The following LLGL2 variants were observed in gnomAD, a reference collection of about 807,000 sequenced individuals.
LLGL2 encodes LLGL2, scribble cell polarity complex component.
A neutral mutation model predicts 123.2 loss-of-function variants in LLGL2; 81 were observed. That is an observed-to-expected ratio of 0.66 (90% CI 0.55 to 0.79). The LOEUF (loss-of-function observed/expected upper bound fraction) is 0.79, where lower values mean the gene tolerates loss of function less well. Among genes scored for constraint, LLGL2 ranks in the 30% least tolerant of loss-of-function variants. The pLI, the probability that LLGL2 is intolerant of heterozygous loss-of-function variation, is 0.00. For missense variants in LLGL2, 1,273 were observed against 1,414.6 expected (o/e 0.90, Z 1.61); for synonymous variants, 577 against 594.1 (o/e 0.97, Z 0.42).
Position 75,568,444 on chromosome 17 carries a change from C to T in LLGL2, c.1037-32C>T, listed in dbSNP as rs2055538470. 3.1e-6 allele frequency: 5 copies of T among 1,601,980 alleles called. No homozygotes were observed. The East Asian group carries it at 9.0e-5, about 29-fold the overall frequency. On this transcript the variant is annotated intron_variant, in intron 10 of 25. Coordinates refer to ENST00000392550, the MANE Select transcript of LLGL2 (RefSeq NM_001031803.2). Reference sequence around the variant, plus strand: ...ACAGAGCTGGGCTGCTTCCTCCTGGCCCCGGCCCCTGACCCTTGCCCTGTA... The same window carrying T: ...ACAGAGCTGGGCTGCTTCCTCCTGGTCCCGGCCCCTGACCCTTGCCCTGTA...
chr17:75,574,712 A>C (rs771211459), intron 25 of LLGL2, 44 bp downstream of exon 25: 11 of 1,603,556 alleles, frequency 6.9e-6, no homozygotes, highest in Non-Finnish European at 9.4e-6. Flanking sequence ...CGTGCTGGGA[A>C]GGGCTGGGAG....
Position 75,564,852 on chromosome 17 carries a change from G to T in LLGL2, c.1036+345G>T. 2 of 170,242 alleles carry T rather than the reference G, an allele frequency of 1.2e-5. No homozygotes were observed. The highest frequency in any genetic ancestry group is 2.3e-5 in the Non-Finnish European group (2 of 87,304). The allele number at this position is 170,242 out of a possible 1,614,324, so 10.5% of individuals were successfully genotyped here. ...GTACTCAGCCTGGGTGACATAGCCAGACTGTGTCTCAAAAAAAAAAAAAAA... is the reference window on the plus strand; with the variant it reads ...GTACTCAGCCTGGGTGACATAGCCATACTGTGTCTCAAAAAAAAAAAAAAA... On this transcript the variant is annotated intron_variant, in intron 10 of 25. Coordinates refer to ENST00000392550, the MANE Select transcript of LLGL2 (RefSeq NM_001031803.2). This position sits in a 1 kb window ranked among gnomAD's most constrained non-coding sequence, Gnocchi z 4.9.
At chr17:75,568,737 A>G (rs372634016) in intron 11 of LLGL2, 35 bp from the exon 12 acceptor site, 22 of 1,612,854 alleles carry the variant, frequency 1.4e-5, no homozygotes, top group African/African-American at 1.3e-4. Flanking sequence ...CCGCAAGCCA[A>G]ACTCTCCCAT....
In LLGL2 at chr17:75,573,094, C is replaced by T. The variant is rs1011527925; in HGVS notation, c.2541C>T (p.Ser847=). The change falls in exon 20 of 26, where the codon AGC becomes AGT. Residue 847 remains serine, a synonymous_variant. Transcript: ENST00000392550. ...AGGGCTCAAGAGTGCGGCGGGTCAG[C>T]GTGGCCCACTTCGGCAGTCGTCGAG... ...ALEGSRVRRV[S]VAHFGSRRAE... The T allele has an allele frequency of 3.7e-6, 6 of 1,612,532 alleles. No homozygotes were observed. In the African/African-American group the frequency reaches 6.7e-5, roughly 18 times the overall value.
Position 75,558,081 on chromosome 17 carries a change from C to T in LLGL2, c.174-74C>T. Reference sequence around the variant, plus strand: ...TGTGTTTGCATCATTGCACATGGGCCCCGAGGGCCTGGCACTCAAGGCAGG... The same window carrying T: ...TGTGTTTGCATCATTGCACATGGGCTCCGAGGGCCTGGCACTCAAGGCAGG... On this transcript the variant is annotated intron_variant, in intron 3 of 25. Coordinates refer to ENST00000392550, the MANE Select transcript of LLGL2 (RefSeq NM_001031803.2). The surrounding 1 kb of genome is among the most constrained non-coding windows in gnomAD (Gnocchi z 4.0). 2 of 1,398,852 alleles carry T rather than the reference C, an allele frequency of 1.4e-6. No homozygotes were observed. Among genetic ancestry groups the T allele is most frequent in the South Asian group, 1.2e-5 (1 of 86,724 alleles). The allele number at this position is 1,398,852 out of a possible 1,614,324, so 86.7% of individuals were successfully genotyped here. A position where few individuals can be genotyped will look rare whatever the true frequency, so the allele number is the denominator to read the frequency against.
intron 10 of LLGL2, chr17:75,568,205 G>T: frequency 7.2e-7 from 1 of 1,383,258 alleles, no homozygotes; most frequent in Non-Finnish European, 9.3e-7. Flanking sequence ...ATGCCTCTGG[G>T]GTGCCTATCC....
intron 19 of LLGL2, among the ~76,000 whole-genome samples, 177 bp downstream of exon 19, chr17:75,572,241 CAG>C (rs1253010474): frequency 1.3e-5 from 2 of 152,078 alleles, no homozygotes; most frequent in African/African-American, 2.4e-5. Flanking sequence ...TGAGGCAGGA[CAG>C]GGGGCCAGGC....
intron 2 of LLGL2, 52 bp from the exon 3 acceptor site, chr17:75,555,994 T>C: frequency 7.1e-7 from 1 of 1,416,206 alleles, no homozygotes; most frequent in Non-Finnish European, 9.9e-7. Context: ...GCAGCCATGG[T>C]GGCGCGAAGG....
In LLGL2 at chr17:75,563,417, C is replaced by T; in HGVS notation, c.780C>T (p.Ser260=). The part of the protein sequence containing the change: ...SDGSYCQWPV[S]SEAQQPEPLR... ...GCAGCTACTGCCAGTGGCCCGTGTC[C>T]AGCGAAGCCCAGCAACCAGAGCCCC... The change falls in exon 8 of 26, where the codon TCC becomes TCT. Residue 260 remains serine (S), a synonymous_variant. Coordinates refer to ENST00000392550, the MANE Select transcript of LLGL2 (RefSeq NM_001031803.2). 1.2e-6 allele frequency: 2 copies of T among 1,612,840 alleles called. No individual in the cohort carries two copies. Among genetic ancestry groups the T allele is most frequent in the East Asian group, 4.5e-5 (2 of 44,894 alleles).
chr17:75,559,196 A>G lies in LLGL2; in HGVS notation c.372-56A>G, dbSNP rs1167790970. 10 of 1,510,360 alleles carry G rather than the reference A, an allele frequency of 6.6e-6. No homozygotes were observed. Among genetic ancestry groups the G allele is most frequent in the Non-Finnish European group, 8.8e-6 (10 of 1,130,846 alleles). The allele number at this position is 1,510,360 out of a possible 1,614,324, so 93.6% of individuals were successfully genotyped here. A position where few individuals can be genotyped will look rare whatever the true frequency, so the allele number is the denominator to read the frequency against. On this transcript the variant is annotated intron_variant, in intron 5 of 25. Coordinates refer to ENST00000392550, the MANE Select transcript of LLGL2 (RefSeq NM_001031803.2). This position sits in a 1 kb window ranked among gnomAD's most constrained non-coding sequence, Gnocchi z 4.6. Reference sequence around the variant, plus strand: ...TCCGAGGAGTCAGGGGACCCCGTCCATGGCATCTCCCCTGCTGGGCAGTGG... The same window carrying G: ...TCCGAGGAGTCAGGGGACCCCGTCCGTGGCATCTCCCCTGCTGGGCAGTGG...
At chr17:75,574,560 TGA>T (rs1199300143) in intron 24 of LLGL2, 48 bp from the exon 25 acceptor site, 3 of 1,602,274 alleles carry the variant, frequency 1.9e-6, no homozygotes, top group Non-Finnish European at 2.6e-6. Flanking sequence ...AGGGGAGCGC[TGA>T]GAGTGGAGGT....
At position 75,573,220 on chromosome 17, in the gene LLGL2, C is replaced by T. The variant is rs373765888; in HGVS notation, c.2667C>T (p.Cys889=). Residue 889 remains cysteine, a synonymous_variant, in exon 20 of 26, where the codon TGC becomes TGT. Transcript: ENST00000392550. The part of the protein sequence containing the change: ...PLLKPQVRYS[C]IRREDVSGIA... ...TCAAGCCCCAGGTGCGCTACAGCTG[C>T]ATCCGCCGGGAGGACGTCAGTGGCA... is the stretch of plus-strand genomic sequence containing the variant. 58 of 1,611,352 alleles carry T rather than the reference C, an allele frequency of 3.6e-5. No homozygotes were observed. Among genetic ancestry groups the T allele is most frequent in the African/African-American group, 5.3e-5 (4 of 74,898 alleles).
chr17:75,569,116 G>T lies in LLGL2; in HGVS notation c.1461G>T (p.Trp487Cys). The change falls in exon 13 of 26, where the codon TGG becomes TGT. Residue 487 changes from tryptophan to cysteine, a missense_variant. By Grantham distance (215) the Trp-to-Cys change is radical (BLOSUM62 -2). Coordinates refer to ENST00000392550, the MANE Select transcript of LLGL2 (RefSeq NM_001031803.2). ...TCAGTGCCCAGGGCGAGGACGAGTGGCCCCCACTCCGCAAGGTGAGGCCAG... is the reference window on the plus strand; with the variant it reads ...TCAGTGCCCAGGGCGAGGACGAGTGTCCCCCACTCCGCAAGGTGAGGCCAG... ...ENFSAQGEDE[W>C]PPLRKVGSFD... 2 of 1,613,422 alleles carry T rather than the reference G, an allele frequency of 1.2e-6. No individual in the cohort carries two copies. The highest frequency in any genetic ancestry group is 8.5e-7 in the Non-Finnish European group (1 of 1,179,886).
At chr17:75,571,265 C>CT (rs1432557747) in intron 17 of LLGL2, among the ~76,000 whole-genome samples, 165 bp downstream of exon 17, 1 of 152,190 alleles carries the variant, frequency 6.6e-6, no homozygotes, top group Non-Finnish European at 1.5e-5. Context: ...CTCCCCTCCC[C>CT]TGCCTCAGCC....
At chr17:75,567,711 G>A (rs2055504544) in intron 10 of LLGL2, among the ~76,000 whole-genome samples, 1 of 152,086 alleles carries the variant, frequency 6.6e-6, no homozygotes, top group African/African-American at 2.4e-5. Context: ...GGAGGCCAAG[G>A]TGGGAAGATC....
chr17:75,558,553 T>C lies in LLGL2; in HGVS notation c.297T>C (p.Leu99=), dbSNP rs1328805783. The C allele has an allele frequency of 6.2e-7, 1 of 1,610,762 alleles. No homozygotes were observed. The highest frequency in any genetic ancestry group is 1.7e-5 in the Admixed American group (1 of 59,728). ...VTLLDDNSLH[L]WSLKVKGGAS... ...TGCTGGATGACAACAGCCTGCACCT[T>C]TGGAGCCTGAAGGTCAAGGGCGGGG... Residue 99 remains leucine (L), a synonymous_variant, in exon 5 of 26, where the codon CTT becomes CTC. Transcript: ENST00000392550. The surrounding 1 kb of genome is among the most constrained non-coding windows in gnomAD (Gnocchi z 4.0).
intron 3 of LLGL2, among the ~76,000 whole-genome samples, chr17:75,556,615 C>T (rs1215609460): frequency 6.6e-6 from 1 of 152,176 alleles, no homozygotes; most frequent in Non-Finnish European, 1.5e-5. Context: ...CATGTCTCAG[C>T]CAGTGATCAT....
chr17:75,552,630 G>C (rs1053801924), intron 2 of LLGL2, among the ~76,000 whole-genome samples: 2 of 152,168 alleles, frequency 1.3e-5, no homozygotes, highest in African/African-American at 4.8e-5. Flanking sequence ...GCACATCTCA[G>C]TTCAGACATT....
Position 75,571,668 on chromosome 17 carries a change from C to A in LLGL2, c.2178C>A (p.Ser726Arg). The A allele has an allele frequency of 6.2e-7, 1 of 1,606,420 alleles. No homozygotes were observed. ...LYFADTYLKDSSRHCPSLWAG... is the reference protein window; with the variant it reads ...LYFADTYLKDRSRHCPSLWAG... ...CACCCAAACATGGCTTCTCGGCAGG[C>A]TCCCGGCACTGCCCCTCGCTGTGGG... The change falls in exon 18 of 26, where the codon AGC becomes AGA. Residue 726 changes from serine (S) to arginine (R), a missense_variant and splice_region_variant. Physicochemically the swap from Ser to Arg is moderately radical, Grantham distance 110. Transcript: ENST00000392550.
Sources: allele counts gnomAD v4.1 joint callset (sites outside exome capture counted in the v4.1 genomes callset), GRCh38; gene constraint gnomAD v4.1.1; non-coding constraint Gnocchi (gnomAD v3.1); transcripts MANE v1.5; gene names NCBI Gene and HGNC (gene_info 2026-07-23, HGNC 2026-07-21).